The following MAP4K3 variants were observed in gnomAD, a reference collection of about 807,000 sequenced individuals.
MAP4K3 encodes the protein mitogen-activated protein kinase kinase kinase kinase 3, also known as MAPK/ERK kinase kinase kinase 3.
Under a neutral mutation model 143.5 loss-of-function variants are expected in MAP4K3, and 94 were observed. The observed-to-expected ratio is 0.65, with a 90% CI of 0.55 to 0.78. MAP4K3 has a LOEUF of 0.78. Among genes scored for constraint, MAP4K3 ranks in the 30% least tolerant of loss-of-function variants. MAP4K3 has a pLI of 0.00. For missense variants in MAP4K3, 1,077 were observed against 1,068.1 expected, an observed-to-expected ratio of 1.01 and a Z score of -0.12; for synonymous variants, 416 against 347.2, an observed-to-expected ratio of 1.20 and a Z score of -2.20.
rs962153181 is a variant in MAP4K3 at position 39,328,104 on chromosome 2, G to A, written c.531-1827C>T. The stretch of plus-strand genomic sequence containing the variant: ...CTAGCACTTTGGGAGGCCGAGGCAG[G>A]TGGATGGTTTGAGCTCAGGAGTTTG... On this transcript the variant is annotated intron_variant, in intron 8 of 33. Coordinates refer to ENST00000263881, the MANE Select transcript of MAP4K3 (RefSeq NM_003618.4). Among the ~76,000 whole-genome samples the A allele has an allele frequency of 4.1e-4, 62 of 152,214 alleles. 1 individual carries two copies. Among genetic ancestry groups the A allele is most frequent in the Admixed American group, 4.0e-3 (61 of 15,286 alleles).
chr2:39,272,163 T>C, intron 26 of MAP4K3, 120 bp downstream of exon 26: 1 of 722,520 alleles, frequency 1.4e-6, no homozygotes, highest in Non-Finnish European at 2.3e-6. Context: ...GTATATTACT[T>C]ATTATTTTTT....
At chr2:39,260,409 C>G (rs1680519814) in intron 29 of MAP4K3, among the ~76,000 whole-genome samples, 197 bp downstream of exon 29, 1 of 152,258 alleles carries the variant, frequency 6.6e-6, no homozygotes. Flanking sequence ...ACCCACCATG[C>G]CCTGCCAGCC....
At chr2:39,260,845 A>G (rs2148440326) in intron 28 of MAP4K3, 68 bp from the exon 29 acceptor site, 1 of 1,074,802 alleles carries the variant, frequency 9.3e-7, no homozygotes, top group African/African-American at 1.6e-5. Flanking sequence ...TGAGAATACT[A>G]TAAAACAGCT....
At chr2:39,420,615 G>A (rs1051032278) in intron 1 of MAP4K3, among the ~76,000 whole-genome samples, 1 of 150,180 alleles carries the variant, frequency 6.7e-6, no homozygotes, top group Non-Finnish European at 1.5e-5. Flanking sequence ...GTCTAGCTAT[G>A]TTGTCCAGGC....
At chr2:39,370,720 TGGAAAA>T (rs1400460487) in intron 2 of MAP4K3, among the ~76,000 whole-genome samples, 14 of 152,226 alleles carry the variant, frequency 9.2e-5, no homozygotes, top group African/African-American at 3.1e-4. Flanking sequence ...TTCATTGTGT[TGGAAAA>T]GGAATGAGTT....
intron 7 of MAP4K3, among the ~76,000 whole-genome samples, chr2:39,332,376 C>T (rs1325026407): frequency 6.6e-6 from 1 of 151,958 alleles, no homozygotes; most frequent in Non-Finnish European, 1.5e-5. Context: ...CATTATATTC[C>T]ATTCACTTTC....
At chr2:39,371,451 G>C (rs1348349874) in intron 2 of MAP4K3, among the ~76,000 whole-genome samples, 1 of 152,176 alleles carries the variant, frequency 6.6e-6, no homozygotes, top group Non-Finnish European at 1.5e-5. Context: ...CTCCAGGAAA[G>C]AGTGGAATGT....
At chr2:39,383,293 T>C (rs531961183) in intron 1 of MAP4K3, among the ~76,000 whole-genome samples, 12 of 152,206 alleles carry the variant, frequency 7.9e-5, no homozygotes, top group African/African-American at 2.9e-4. Flanking sequence ...ATGTCCTCCT[T>C]CACGTGGCAA....
intron 8 of MAP4K3, among the ~76,000 whole-genome samples, chr2:39,328,079 C>T (rs541160558): frequency 6.6e-6 from 1 of 152,296 alleles, no homozygotes; most frequent in East Asian, 1.9e-4. Flanking sequence ...GCCTGTAATC[C>T]TAGCACTTTG....
intron 1 of MAP4K3, among the ~76,000 whole-genome samples, chr2:39,413,394 G>A (rs1295460424): frequency 1.3e-5 from 2 of 152,118 alleles, no homozygotes; most frequent in Non-Finnish European, 1.5e-5. Flanking sequence ...AGGAAAGGGG[G>A]CAATTAAGGC....
chr2:39,428,394 G>A (rs1454711993), intron 1 of MAP4K3, among the ~76,000 whole-genome samples: 1 of 152,184 alleles, frequency 6.6e-6, no homozygotes, highest in Non-Finnish European at 1.5e-5. Flanking sequence ...AATCTTTGGG[G>A]CCGGCACAGT....
rs376495418 is a variant in MAP4K3, at chr2:39,350,911, ATC to A, written c.245+5336_245+5337del. 1.9e-4 allele frequency among the ~76,000 whole-genome samples: 29 copies of A among 152,280 alleles called. No individual in the cohort carries two copies. The East Asian group carries it at 4.4e-3, about 23-fold the overall frequency. On this transcript the variant is annotated intron_variant, in intron 3 of 33. Coordinates refer to ENST00000263881, the MANE Select transcript of MAP4K3 (RefSeq NM_003618.4). ...GTCCAGCACCTGTGGGGTTCAACCA[ATC>A]GCAGGTTCACCTAACCGGAGACTGA...
intron 1 of MAP4K3, among the ~76,000 whole-genome samples, chr2:39,409,223 G>A (rs757347790): frequency 3.3e-5 from 5 of 151,904 alleles, no homozygotes; most frequent in South Asian, 2.1e-4. Context: ...TTACTATATT[G>A]TAAGAATATA....
intron 1 of MAP4K3, among the ~76,000 whole-genome samples, chr2:39,422,152 T>C (rs534039634): frequency 6.6e-5 from 10 of 151,928 alleles, no homozygotes; most frequent in African/African-American, 2.4e-4. Flanking sequence ...AAGATAGAAA[T>C]GCTATGGTAC....
At chr2:39,344,413 TAAC>T (rs1469344490) in intron 3 of MAP4K3, among the ~76,000 whole-genome samples, 1 of 152,144 alleles carries the variant, frequency 6.6e-6, no homozygotes, top group Non-Finnish European at 1.5e-5. Flanking sequence ...GTTGAGAAAA[TAAC>T]AAAAATATTT....
rs1682102495 is a variant in MAP4K3 at position 39,292,788 on chromosome 2, T to A, written c.1256A>T (p.Asp419Val). The change falls in exon 18 of 34, where the codon GAT (aspartate) becomes GTT (valine). Residue 419 changes from aspartate to valine, a missense_variant. Around this residue, in one of 2 missense-constraint regions of MAP4K3, gnomAD observed 864 missense variants for 801.2 expected, o/e 1.08. Coordinates refer to ENST00000263881, the MANE Select transcript of MAP4K3 (RefSeq NM_003618.4). ...VAHLEDDEGD[D>V]DESKHSTLKA... is the part of the protein sequence containing the mutation. ...CAGAACTTACTGTTTAGATTCATCATCATCTCCTTCATCATCTTCTAAATG... is the reference window on the plus strand; with the variant it reads ...CAGAACTTACTGTTTAGATTCATCAACATCTCCTTCATCATCTTCTAAATG... The A allele has an allele frequency of 6.2e-7, 1 of 1,613,212 alleles. No individual in the cohort carries two copies. The highest frequency in any genetic ancestry group is 1.3e-5 in the African/African-American group (1 of 74,914).
chr2:39,404,064 T>A (rs1230230455), intron 1 of MAP4K3, among the ~76,000 whole-genome samples: 2 of 151,922 alleles, frequency 1.3e-5, no homozygotes, highest in South Asian at 2.1e-4. Flanking sequence ...GGGCCCTGAA[T>A]AACCAGCAGC....
rs567215826 is a variant in MAP4K3 at position 39,382,628 on chromosome 2, T to C, written c.97-4505A>G. On this transcript the variant is annotated intron_variant, in intron 1 of 33. Coordinates refer to ENST00000263881, the MANE Select transcript of MAP4K3 (RefSeq NM_003618.4). ...AGATTCCAAATACTGAACCAGCTAG[T>C]TGGTTATATAAAAATCATATAAAGA... Among the ~76,000 whole-genome samples, 101 of 152,334 alleles carry C rather than the reference T, an allele frequency of 6.6e-4. 1 individual carries two copies. Among genetic ancestry groups the C allele is most frequent in the African/African-American group, 2.3e-3 (97 of 41,578 alleles).
At chr2:39,377,784 T>C (rs970313976) in intron 2 of MAP4K3, among the ~76,000 whole-genome samples, 2 of 152,144 alleles carry the variant, frequency 1.3e-5, no homozygotes, top group Non-Finnish European at 2.9e-5. Context: ...TAAACCACTA[T>C]CAGCTTGTCA....
Sources: gnomAD v4.1 joint callset for allele counts (sites outside exome capture counted in the v4.1 genomes callset) on GRCh38, gnomAD v4.1.1 for gene constraint, gnomAD v4.1.1 regional missense constraint, MANE v1.5 for transcripts, NCBI Gene and HGNC (gene_info 2026-07-23, HGNC 2026-07-21) for gene names.